COL11A1: variants seen among roughly 807,000 people sequenced by gnomAD.
The protein encoded by COL11A1 is collagen alpha-1(XI) chain.
In COL11A1, 74 loss-of-function variants were observed where a neutral mutation model predicts 265.2. The observed-to-expected ratio is 0.28, with a 90% CI of 0.23 to 0.34. The LOEUF is 0.34. Ranked by LOEUF, COL11A1 falls within the 10% of genes least tolerant of loss-of-function variation. The pLI is 1.00. For synonymous variants in COL11A1, 816 were observed against 727.6 expected (o/e 1.12, Z -1.96); for missense variants, 2,165 against 2,263.6 (o/e 0.96, Z 0.88).
intron 1 of COL11A1, among the ~76,000 whole-genome samples, chr1:103,083,254 G>GTGTGTC (rs1366425427): frequency 1.3e-5 from 2 of 148,336 alleles, no homozygotes; most frequent in Non-Finnish European, 3.0e-5. Context: ...GTGTCTGTGT[G>GTGTGTC]TGTGTGTGTG....
intron 29 of COL11A1, 54 bp downstream of exon 29, chr1:102,989,464 A>AATAT (rs60319369): frequency 3.7e-6 from 4 of 1,073,996 alleles, no homozygotes; most frequent in African/African-American, 1.6e-5. Context: ...CAAAGGAAAA[A>AATAT]ATATATATAT....
intron 2 of COL11A1, among the ~76,000 whole-genome samples, chr1:103,082,023 G>C (rs1672456454): frequency 6.6e-6 from 1 of 151,882 alleles, no homozygotes; most frequent in Non-Finnish European, 1.5e-5. Context: ...CAAGTTACCT[G>C]CTTTGAAAAT....
intron 54 of COL11A1, among the ~76,000 whole-genome samples, chr1:102,906,771 T>C (rs554626809): frequency 6.6e-6 from 1 of 152,002 alleles, no homozygotes; most frequent in Non-Finnish European, 1.5e-5. Context: ...TATGTTGAGG[T>C]AGAGTTATTG....
At chr1:103,005,460 A>G (rs1665508922) in intron 18 of COL11A1, among the ~76,000 whole-genome samples, 1 of 152,156 alleles carries the variant, frequency 6.6e-6, no homozygotes, top group African/African-American at 2.4e-5. Flanking sequence ...CCACCTACAG[A>G]TGTCTTCTTT....
chr1:102,976,849 T>A (rs945697945), intron 35 of COL11A1, among the ~76,000 whole-genome samples: 3 of 152,138 alleles, frequency 2.0e-5, no homozygotes, highest in Non-Finnish European at 4.4e-5. Flanking sequence ...GTTGTTCCAT[T>A]TTTGTTTTGT....
intron 1 of COL11A1, among the ~76,000 whole-genome samples, chr1:103,087,297 T>C (rs1463514454): frequency 1.3e-5 from 2 of 152,306 alleles, no homozygotes; most frequent in African/African-American, 4.8e-5. Context: ...AACGGGAGAA[T>C]AGAATATCAG....
At chr1:102,926,179 T>G (rs1656578607) in intron 46 of COL11A1, among the ~76,000 whole-genome samples, 1 of 152,136 alleles carries the variant, frequency 6.6e-6, no homozygotes, top group African/African-American at 2.4e-5. Flanking sequence ...AATCTCTTGT[T>G]GCATGGAACT....
chr1:102,877,915 T>C lies in COL11A1; in HGVS notation c.*104A>G. ...CTAAATGGTACCTGTATATGCAGCG[T>C]TGTTTTCTATACCATCCTTATTCAA... On this transcript the variant is annotated 3_prime_UTR_variant, in exon 67 of 67. Coordinates refer to ENST00000370096, the MANE Select transcript of COL11A1 (RefSeq NM_001854.4). The C allele has an allele frequency of 8.5e-7, 1 of 1,179,986 alleles. No homozygotes were observed. The allele number at this position is 1,179,986 out of a possible 1,614,324, so 73.1% of individuals were successfully genotyped here.
intron 57 of COL11A1, among the ~76,000 whole-genome samples, chr1:102,897,473 C>T (rs1048054239): frequency 1.3e-5 from 2 of 151,522 alleles, no homozygotes; most frequent in South Asian, 2.1e-4. Context: ...AACTAAGTCA[C>T]CTAGTAAGGA....
intron 36 of COL11A1, among the ~76,000 whole-genome samples, chr1:102,970,714 C>T (rs1661885432): frequency 6.6e-6 from 1 of 151,960 alleles, no homozygotes; most frequent in African/African-American, 2.4e-5. Flanking sequence ...GAGCTTCTAA[C>T]TGACAAGAAG....
At chr1:103,105,932 C>T (rs1360159239) in intron 1 of COL11A1, among the ~76,000 whole-genome samples, 1 of 152,132 alleles carries the variant, frequency 6.6e-6, no homozygotes, top group Non-Finnish European at 1.5e-5. Flanking sequence ...ATAACAAAAT[C>T]TTAAAATATA....
Position 102,995,977 on chromosome 1 carries a change from A to G in COL11A1, c.2295+12T>C. 2 of 1,613,364 alleles carry G rather than the reference A, an allele frequency of 1.2e-6. No homozygotes were observed. Among genetic ancestry groups the G allele is most frequent in the South Asian group, 2.2e-5 (2 of 91,072 alleles). ...TTTGAAAGTAAATAATGTGAAAACA[A>G]TTTAACGTTACCTTTACTCCCCGGG... On this transcript the variant is annotated intron_variant, in intron 27 of 66. Coordinates refer to ENST00000370096, the MANE Select transcript of COL11A1 (RefSeq NM_001854.4).
chr1:102,970,165 A>G (rs1661821634), intron 37 of COL11A1, 54 bp downstream of exon 37: 2 of 1,404,512 alleles, frequency 1.4e-6, no homozygotes, highest in South Asian at 2.3e-5. Flanking sequence ...CTATGTATGA[A>G]CTGATGAGGT....
intron 49 of COL11A1, among the ~76,000 whole-genome samples, chr1:102,917,315 T>C (rs554838151): frequency 2.6e-5 from 4 of 151,890 alleles, no homozygotes; most frequent in Non-Finnish European, 5.9e-5. Flanking sequence ...CTCCTATCTC[T>C]TACCATATAC....
In COL11A1 at chr1:102,878,055, G is replaced by T; in HGVS notation, c.5385C>A (p.Phe1795Leu). Residue 1795 changes from phenylalanine (F) to leucine (L), a missense_variant, in exon 67 of 67, where the codon TTC becomes TTA. Transcript: ENST00000370096. Reference protein sequence around the residue: ...INDFGDQNQKFGFEVGPVCFL... With the variant: ...INDFGDQNQKLGFEVGPVCFL... ...AACAAACAGGACCAACTTCAAATCC[G>T]AACTTCTGATTCTGATCACCAAAGT... 6.2e-7 allele frequency: 1 copy of T among 1,613,484 alleles called. No homozygotes were observed. Among genetic ancestry groups the T allele is most frequent in the South Asian group, 1.1e-5 (1 of 91,030 alleles).
intron 23 of COL11A1, 57 bp from the exon 24 acceptor site, chr1:103,002,026 T>A: frequency 7.0e-7 from 1 of 1,425,646 alleles, no homozygotes; most frequent in Non-Finnish European, 9.9e-7. Flanking sequence ...AATATGCTTT[T>A]AAAACAGCAA....
chr1:102,980,691 T>TA (rs1553225060), intron 31 of COL11A1, among the ~76,000 whole-genome samples: 2 of 152,044 alleles, frequency 1.3e-5, no homozygotes, highest in Non-Finnish European at 2.9e-5. Context: ...GAAATACCCC[T>TA]AAAAATAATG....
chr1:103,083,721 A>C (rs1028475610), intron 1 of COL11A1, among the ~76,000 whole-genome samples: 1 of 152,160 alleles, frequency 6.6e-6, no homozygotes, highest in African/African-American at 2.4e-5. Flanking sequence ...GATTTTTATT[A>C]TCTCAACTTA....
intron 28 of COL11A1, among the ~76,000 whole-genome samples, chr1:102,994,524 C>T (rs1664439378): frequency 6.6e-6 from 1 of 152,110 alleles, no homozygotes; most frequent in African/African-American, 2.4e-5. Context: ...CACTATGCTT[C>T]CTGTACAGCC....
Sources: gnomAD v4.1 joint callset for allele counts (sites outside exome capture counted in the v4.1 genomes callset) on GRCh38, gnomAD v4.1.1 for gene constraint, MANE v1.5 for transcripts, NCBI Gene and HGNC (gene_info 2026-07-23, HGNC 2026-07-21) for gene names.